The following MCF2L variants were observed in gnomAD, a reference collection of about 807,000 sequenced individuals.
MCF2L encodes MCF.2 cell line derived transforming sequence like.
MCF2L carries 97 observed loss-of-function variants against 153.4 expected under a neutral mutation model. That is an observed-to-expected ratio of 0.63 (90% CI 0.54 to 0.75). MCF2L has a LOEUF of 0.75. Among genes scored for constraint, MCF2L ranks in the 30% least tolerant of loss-of-function variants. The pLI is 0.00. For synonymous variants in MCF2L, 659 were observed against 632.2 expected (o/e 1.04, Z -0.64); for missense variants, 1,347 against 1,495.2 (o/e 0.90, Z 1.64).
chr13:112,964,361 G>C (rs572883453), upstream of MCF2L, among the ~76,000 whole-genome samples: 1 of 152,172 alleles, frequency 6.6e-6, no homozygotes, highest in Non-Finnish European at 1.5e-5. Context: ...AGCAATACCC[G>C]GGCTGCCCCC....
intron 2 of MCF2L, among the ~76,000 whole-genome samples, chr13:112,913,955 C>A (rs2081262656): frequency 1.3e-5 from 2 of 152,312 alleles, no homozygotes; most frequent in Non-Finnish European, 2.9e-5. Context: ...ATCAGCCCCC[C>A]AATGCCTGCA....
At chr13:112,947,458 G>A (rs1175903413) in intron 2 of MCF2L, among the ~76,000 whole-genome samples, 1 of 152,150 alleles carries the variant, frequency 6.6e-6, no homozygotes, top group Non-Finnish European at 1.5e-5. Context: ...CTCTCCAACC[G>A]TGGGCCTGTG....
At chr13:112,944,652 A>G (rs1479001747) in intron 2 of MCF2L, among the ~76,000 whole-genome samples, 1 of 148,104 alleles carries the variant, frequency 6.8e-6, no homozygotes, top group African/African-American at 2.5e-5. Flanking sequence ...GCTCACGGCT[A>G]ATTTTTTGTA....
At position 112,993,408 on chromosome 13, in the gene MCF2L, A is replaced by G. The variant is rs972709454; in HGVS notation, c.80-21355A>G. Among the ~76,000 whole-genome samples, 3 of 152,030 alleles carry G rather than the reference A, an allele frequency of 2.0e-5. No individual in the cohort carries two copies. Among genetic ancestry groups the G allele is most frequent in the African/African-American group, 7.2e-5 (3 of 41,392 alleles). On this transcript the variant is annotated intron_variant, in intron 1 of 29. Coordinates refer to ENST00000535094, the MANE Select transcript of MCF2L (RefSeq NM_001112732.3). This position sits in a 1 kb window ranked among gnomAD's most constrained non-coding sequence, Gnocchi z 4.6. ...AGACCGCCAGGAGGGCTTTTAGGAG[A>G]TATGTGAAATGAGACTCAGCTTTCA...
intron 2 of MCF2L, among the ~76,000 whole-genome samples, chr13:112,952,687 C>G (rs909789012): frequency 5.3e-5 from 8 of 152,198 alleles, no homozygotes; most frequent in African/African-American, 1.9e-4. Flanking sequence ...TAGTAAATTT[C>G]TAAACAGGGC....
chr13:112,947,433 A>T (rs1382810632), intron 2 of MCF2L, among the ~76,000 whole-genome samples: 1 of 152,208 alleles, frequency 6.6e-6, no homozygotes, highest in East Asian at 1.9e-4. Flanking sequence ...GGAACGATTC[A>T]TCTGATGCAA....
At chr13:112,976,735 A>T (rs1271829320) in intron 1 of MCF2L, among the ~76,000 whole-genome samples, 4 of 152,116 alleles carry the variant, frequency 2.6e-5, no homozygotes, top group African/African-American at 9.7e-5. Context: ...CTGCTCGGTG[A>T]GTGGCCTCTC....
intron 16 of MCF2L, 135 bp from the exon 17 acceptor site, chr13:113,082,292 C>G (rs1427476209): frequency 1.3e-5 from 8 of 630,964 alleles, no homozygotes; most frequent in Non-Finnish European, 2.3e-5. Flanking sequence ...ATGCCTGTCC[C>G]GGTAACTTAG....
chr13:112,968,521 C>G (rs2081937027), upstream of MCF2L: 25 of 1,571,200 alleles, frequency 1.6e-5, no homozygotes, highest in East Asian at 5.8e-4. Context: ...CTGGGTCCTG[C>G]GTCCTTGGGC....
intron 2 of MCF2L, among the ~76,000 whole-genome samples, chr13:112,906,464 A>G (rs2081173781): frequency 6.6e-6 from 1 of 152,236 alleles, no homozygotes; most frequent in African/African-American, 2.4e-5. Context: ...AGGTGCCCAC[A>G]GGAACATGCA....
chr13:113,096,515 C>G, intron 28 of MCF2L, 32 bp downstream of exon 28: 1 of 1,582,218 alleles, frequency 6.3e-7, no homozygotes, highest in Non-Finnish European at 8.6e-7. Context: ...CGGACTGCCC[C>G]GCACGTGGCT....
At chr13:112,917,130 G>T in intron 2 of MCF2L, 1 of 471,260 alleles carries the variant, frequency 2.1e-6, no homozygotes, top group Non-Finnish European at 4.4e-6. Context: ...GGCGATCTCA[G>T]TCCCCTGGCT....
intron 2 of MCF2L, among the ~76,000 whole-genome samples, chr13:112,919,115 C>T (rs1165313597): frequency 3.3e-5 from 5 of 151,886 alleles, no homozygotes; most frequent in Admixed American, 6.6e-5. Flanking sequence ...AATTCATTTA[C>T]AAGATATAAA....
chr13:112,997,961 G>T (rs143092028), intron 1 of MCF2L, among the ~76,000 whole-genome samples: 1 of 152,230 alleles, frequency 6.6e-6, no homozygotes, highest in Non-Finnish European at 1.5e-5. Context: ...GGGCCTGCCC[G>T]CAGCAGCAGC....
In MCF2L at chr13:113,097,600, C is replaced by G. The variant is rs532864309; in HGVS notation, c.*741C>G. On this transcript the variant is annotated 3_prime_UTR_variant, in exon 30 of 30. Transcript: ENST00000535094. The stretch of plus-strand genomic sequence containing the variant: ...AAGCCAAGGAGATTCCTTTATCTAC[C>G]TAGGGTTCATTTTCAAAAGAAAATT... The G allele has an allele frequency of 6.6e-6, 1 of 152,160 alleles. No individual in the cohort carries two copies. Among genetic ancestry groups the G allele is most frequent in the South Asian group, 2.1e-4 (1 of 4,812 alleles). 9.4% of individuals were successfully genotyped at this position (152,160 alleles called of 1,614,324 possible). A position where few individuals can be genotyped will look rare whatever the true frequency, so the allele number is the denominator to read the frequency against.
intron 2 of MCF2L, among the ~76,000 whole-genome samples, chr13:112,961,408 T>C (rs539967435): frequency 4.6e-5 from 7 of 152,360 alleles, no homozygotes; most frequent in Non-Finnish European, 7.4e-5. Flanking sequence ...TGCGAGGAGA[T>C]GCCTGGTTCC....
chr13:113,059,329 G>A lies in MCF2L; in HGVS notation c.370-1264G>A, dbSNP rs1396381400. 3.3e-5 allele frequency among the ~76,000 whole-genome samples: 5 copies of A among 152,310 alleles called. No homozygotes were observed. In the South Asian group the frequency reaches 8.3e-4, roughly 25 times the overall value. ...TCAGGGCCCTCTTCTTATGGTCCTC[G>A]CTAGGCCAGCCTGAACATTGGAGTG... On this transcript the variant is annotated intron_variant, in intron 4 of 29. Coordinates refer to ENST00000535094, the MANE Select transcript of MCF2L (RefSeq NM_001112732.3).
chr13:113,030,538 G>A (rs1045481657), intron 3 of MCF2L, among the ~76,000 whole-genome samples: 1 of 150,122 alleles, frequency 6.7e-6, no homozygotes, highest in Non-Finnish European at 1.5e-5. Context: ...TGGGCCCTCG[G>A]GTGTCCACCG....
At chr13:113,061,605 G>A in intron 5 of MCF2L, among the ~76,000 whole-genome samples, 1 of 147,092 alleles carries the variant, frequency 6.8e-6, no homozygotes, top group Non-Finnish European at 1.5e-5. Context: ...TTGCGCTACA[G>A]CCTCAATGCC....
Sources: allele counts gnomAD v4.1 joint callset (sites outside exome capture counted in the v4.1 genomes callset), GRCh38; gene constraint gnomAD v4.1.1; non-coding constraint Gnocchi (gnomAD v3.1); transcripts MANE v1.5; gene names NCBI Gene and HGNC (gene_info 2026-07-23, HGNC 2026-07-21).